The following CBLL1 variants were observed in gnomAD, a reference collection of about 807,000 sequenced individuals.
CBLL1 encodes the protein E3 ubiquitin-protein ligase Hakai.
In CBLL1, 4 loss-of-function variants were observed where a neutral mutation model predicts 44.9. That is an observed-to-expected ratio of 0.09 (90% CI 0.04 to 0.20). The LOEUF (loss-of-function observed/expected upper bound fraction) is 0.20. Among genes scored for constraint, CBLL1 ranks in the 10% least tolerant of loss-of-function variants. CBLL1 has a pLI of 1.00. For missense variants in CBLL1, 569 were observed against 636.7 expected, an observed-to-expected ratio of 0.89 and a Z score of 1.14; for synonymous variants, 235 against 202.2, an observed-to-expected ratio of 1.16 and a Z score of -1.38.
chr7:107,759,367 A>C lies in CBLL1; in HGVS notation c.*189A>C, dbSNP rs1793674994. ...GATTTCAAGTACCATACTGTAGTAC[A>C]GATAAGTGGCTCAGTTGAGCACAGC... On this transcript the variant is annotated 3_prime_UTR_variant, in exon 6 of 6. Coordinates refer to ENST00000440859, the MANE Select transcript of CBLL1 (RefSeq NM_024814.4). The C allele has an allele frequency of 1.9e-6, 1 of 519,940 alleles. No homozygotes were observed. The highest frequency in any genetic ancestry group is 3.6e-5 in the Admixed American group (1 of 27,790). 32.2% of individuals were successfully genotyped at this position (519,940 alleles called of 1,614,324 possible). A position where few individuals can be genotyped will look rare whatever the true frequency, so the allele number is the denominator to read the frequency against.
chr7:107,746,624 A>G (rs778906726), intron 1 of CBLL1, among the ~76,000 whole-genome samples: 3 of 152,264 alleles, frequency 2.0e-5, no homozygotes, highest in Non-Finnish European at 4.4e-5. Context: ...ATGACAGGAT[A>G]GGCATCTCAA....
chr7:107,755,508 A>G lies in CBLL1; in HGVS notation c.440+17A>G. On this transcript the variant is annotated intron_variant, in intron 5 of 5. Coordinates refer to ENST00000440859, the MANE Select transcript of CBLL1 (RefSeq NM_024814.4). ...GTGTCCAGGGTAAGATAAGATTATC[A>G]TTACCTTTTTTAAATAATAAAGTTT... 2.1e-6 allele frequency: 3 copies of G among 1,421,578 alleles called. No individual in the cohort carries two copies. The highest frequency in any genetic ancestry group is 2.9e-6 in the Non-Finnish European group (3 of 1,034,406). 88.1% of individuals were successfully genotyped at this position (1,421,578 alleles called of 1,614,324 possible).
intron 2 of CBLL1, among the ~76,000 whole-genome samples, chr7:107,752,991 A>G (rs1210463050): frequency 6.6e-6 from 1 of 152,220 alleles, no homozygotes; most frequent in Non-Finnish European, 1.5e-5. Context: ...GTCTCTTAGC[A>G]TACCATTTTT....
chr7:107,748,876 A>G lies in CBLL1; in HGVS notation c.14-4A>G. 1 of 1,577,698 alleles carries G rather than the reference A, an allele frequency of 6.3e-7. No individual in the cohort carries two copies. Among genetic ancestry groups the G allele is most frequent in the Non-Finnish European group, 8.6e-7 (1 of 1,165,988 alleles). ...GAAATTACAACTTTTTTTTCCTAAC[A>G]CAGACAATGAGTTACAAGGCACTAA... On this transcript the variant is annotated splice_region_variant and splice_polypyrimidine_tract_variant and intron_variant, in intron 1 of 5. Transcript: ENST00000440859.
At chr7:107,749,144 A>G in intron 2 of CBLL1, 97 bp downstream of exon 2, 9 of 1,049,870 alleles carry the variant, frequency 8.6e-6, no homozygotes, top group Non-Finnish European at 1.1e-5. Flanking sequence ...TTTGTCTTAC[A>G]TATTCTATTC....
In CBLL1 at chr7:107,752,692, T is replaced by TG. The variant is rs1158850596; in HGVS notation, c.182-718dup. ...GTTCTTTTGTAGGAGTTGAGAAGAT[T>TG]GCCATCAACTTTTTAATTAGGCCAG... is the stretch of plus-strand genomic sequence containing the variant. On this transcript the variant is annotated intron_variant, in intron 2 of 5. Transcript: ENST00000440859. 3 of 725,880 alleles carry TG rather than the reference T, an allele frequency of 4.1e-6. No homozygotes were observed. The East Asian group carries it at 2.0e-4, about 49-fold the overall frequency. 45.0% of individuals were successfully genotyped at this position (725,880 alleles called of 1,614,324 possible).
At chr7:107,753,373 A>T (rs1005668840) in intron 2 of CBLL1, 38 bp from the exon 3 acceptor site, 18 of 1,392,796 alleles carry the variant, frequency 1.3e-5, no homozygotes, top group Non-Finnish European at 1.6e-5. Flanking sequence ...GAAATTTGAG[A>T]TTTGGAAAGT....
chr7:107,745,535 G>T (rs1792972500), intron 1 of CBLL1, among the ~76,000 whole-genome samples: 1 of 152,210 alleles, frequency 6.6e-6, no homozygotes, highest in South Asian at 2.1e-4. Context: ...TTTAATTTAA[G>T]TGAATATGAA....
At chr7:107,754,044 G>A (rs1165055074) in intron 4 of CBLL1, 66 bp downstream of exon 4, 10 of 996,592 alleles carry the variant, frequency 1.0e-5, no homozygotes, top group Non-Finnish European at 1.5e-5. Flanking sequence ...CTGAAATTTA[G>A]ATAGGTTTAT....
intron 2 of CBLL1, among the ~76,000 whole-genome samples, chr7:107,752,874 A>G (rs1301436352): frequency 6.6e-6 from 1 of 152,228 alleles, no homozygotes; most frequent in Non-Finnish European, 1.5e-5. Context: ...TGAATATGTT[A>G]AAGTGTCTAA....
In CBLL1 at chr7:107,759,925, A is replaced by G. The variant is rs1340222482; in HGVS notation, c.*747A>G. 6.6e-6 allele frequency: 1 copy of G among 152,338 alleles called. No individual in the cohort carries two copies. The highest frequency in any genetic ancestry group is 1.5e-5 in the Non-Finnish European group (1 of 68,022). 9.4% of individuals were successfully genotyped at this position (152,338 alleles called of 1,614,324 possible). On this transcript the variant is annotated 3_prime_UTR_variant, in exon 6 of 6. Transcript: ENST00000440859. The stretch of plus-strand genomic sequence containing the variant: ...TATTTGGAAAGAGATGGCCAAAATA[A>G]TCAACTCTACAGGCTTCAAGCTGGT...
At position 107,758,107 on chromosome 7, in the gene CBLL1, T is replaced by G; in HGVS notation, c.441-36T>G. 5.3e-6 allele frequency: 8 copies of G among 1,522,850 alleles called. No individual in the cohort carries two copies. Among genetic ancestry groups the G allele is most frequent in the South Asian group, 1.3e-5 (1 of 78,024 alleles). 94.3% of individuals were successfully genotyped at this position (1,522,850 alleles called of 1,614,324 possible). On this transcript the variant is annotated intron_variant, in intron 5 of 5. Transcript: ENST00000440859. This position sits in a 1 kb window ranked among gnomAD's most constrained non-coding sequence, Gnocchi z 4.2. ...AAATTACATAATTTTTTGTATTCTC[T>G]TTTAGTAAATCACATTTCTTTCCCT...
intron 5 of CBLL1, 80 bp downstream of exon 5, chr7:107,755,571 A>G: frequency 2.7e-6 from 2 of 738,230 alleles, no homozygotes; most frequent in Non-Finnish European, 4.2e-6. Flanking sequence ...AAGGTTAGGG[A>G]GTGATGTAAA....
Position 107,760,243 on chromosome 7 carries a change from A to G in CBLL1, c.*1065A>G, listed in dbSNP as rs1023345337. 1.3e-5 allele frequency: 2 copies of G among 152,294 alleles called. No homozygotes were observed. The highest frequency in any genetic ancestry group is 2.9e-5 in the Non-Finnish European group (2 of 67,972). The allele number at this position is 152,294 out of a possible 1,614,324, so 9.4% of individuals were successfully genotyped here. ...TGCCATGGAGGAATTTGAATAATAT[A>G]TTAATGAAGGACATATTCTTGTAAT... is the stretch of plus-strand genomic sequence containing the variant. On this transcript the variant is annotated 3_prime_UTR_variant, in exon 6 of 6. Coordinates refer to ENST00000440859, the MANE Select transcript of CBLL1 (RefSeq NM_024814.4).
chr7:107,758,018 C>G lies in CBLL1; in HGVS notation c.441-125C>G. On this transcript the variant is annotated intron_variant, in intron 5 of 5. Transcript: ENST00000440859. The surrounding 1 kb of genome is among the most constrained non-coding windows in gnomAD (Gnocchi z 4.2). ...GGTTTGCGTAGAATAACTGTAACTT[C>G]TAATTGTGGACTTTTGCTATGTTTT... The G allele has an allele frequency of 2.3e-6, 2 of 854,798 alleles. No individual in the cohort carries two copies. Among genetic ancestry groups the G allele is most frequent in the South Asian group, 1.9e-5 (1 of 53,396 alleles). 53.0% of individuals were successfully genotyped at this position (854,798 alleles called of 1,614,324 possible).
chr7:107,754,434 A>C (rs1562863566), intron 4 of CBLL1, among the ~76,000 whole-genome samples: 1 of 152,252 alleles, frequency 6.6e-6, no homozygotes, highest in East Asian at 1.9e-4. Context: ...ATCATTAAAA[A>C]AATTTTACAA....
At chr7:107,747,121 A>T (rs1049922940) in intron 1 of CBLL1, among the ~76,000 whole-genome samples, 1 of 152,206 alleles carries the variant, frequency 6.6e-6, no homozygotes, top group Non-Finnish European at 1.5e-5. Flanking sequence ...TTTAAAAACA[A>T]CAAAAAGCAA....
At chr7:107,752,619 T>C (rs961611963) in intron 2 of CBLL1, 65 of 1,275,100 alleles carry the variant, frequency 5.1e-5, no homozygotes, top group Non-Finnish European at 6.5e-5. Flanking sequence ...TTACTTTAGG[T>C]AATTGGATTC....
At position 107,753,469 on chromosome 7, in the gene CBLL1, A is replaced by C. The variant is rs1261675640; in HGVS notation, c.240A>C (p.Ala80=). 2 of 1,592,032 alleles carry C rather than the reference A, an allele frequency of 1.3e-6. No individual in the cohort carries two copies. The highest frequency in any genetic ancestry group is 3.6e-5 in the Admixed American group (2 of 56,190). The change falls in exon 3 of 6, where the codon GCA becomes GCC. Residue 80 remains alanine, a synonymous_variant. Transcript: ENST00000440859. ...ACTGTAAAGGGGGTGAGCTGTTTGC[A>C]AATCAGCGAAGATTTCCTGGACACC... The part of the protein sequence containing the change: ...RYDCKGGELF[A]NQRRFPGHLF...
Sources: gnomAD v4.1 joint callset for allele counts (sites outside exome capture counted in the v4.1 genomes callset) on GRCh38, gnomAD v4.1.1 for gene constraint, Gnocchi (gnomAD v3.1) non-coding constraint, MANE v1.5 for transcripts, NCBI Gene and HGNC (gene_info 2026-07-23, HGNC 2026-07-21) for gene names.